The following GATAD2B variants were observed in gnomAD, a reference collection of about 807,000 sequenced individuals.
GATAD2B encodes GATA zinc finger domain containing 2B.
In GATAD2B, 8 loss-of-function variants were observed where a neutral mutation model predicts 64.3. That is an observed-to-expected ratio of 0.12 (90% CI 0.07 to 0.22). GATAD2B has a LOEUF of 0.22. GATAD2B is among the 10% of genes least tolerant of loss of function. The pLI is 1.00. For synonymous variants in GATAD2B, 281 were observed against 271.3 expected, an observed-to-expected ratio of 1.04 and a Z score of -0.35; for missense variants, 453 against 752.0, an observed-to-expected ratio of 0.60 and a Z score of 4.65.
intron 1 of GATAD2B, among the ~76,000 whole-genome samples, chr1:153,907,480 T>C (rs1192833560): frequency 6.6e-6 from 1 of 152,176 alleles, no homozygotes; most frequent in African/African-American, 2.4e-5. Context: ...GAATGGTGAC[T>C]GCCAGGAACT....
At chr1:153,853,710 TTTC>T (rs1443344175) in intron 1 of GATAD2B, among the ~76,000 whole-genome samples, 1 of 152,216 alleles carries the variant, frequency 6.6e-6, no homozygotes, top group Non-Finnish European at 1.5e-5. Flanking sequence ...TTTTCCCTGT[TTTC>T]TTCTTATGAG....
rs1167059491 is a variant in GATAD2B at position 153,810,293 on chromosome 1, A to C, written c.1666T>G (p.Leu556Val). 1 of 1,613,392 alleles carries C rather than the reference A, an allele frequency of 6.2e-7. No homozygotes were observed. The highest frequency in any genetic ancestry group is 1.1e-5 in the South Asian group (1 of 90,888). The change falls in exon 11 of 11, where the codon TTG becomes GTG. Residue 556 changes from leucine (L) to valine (V), a missense_variant. Physicochemically the swap from Leu to Val is conservative, Grantham distance 32 (BLOSUM62 1). Coordinates refer to ENST00000368655, the MANE Select transcript of GATAD2B (RefSeq NM_020699.4). ...LGMPGVNIAYLNTGIGGHKGP... is the reference protein window; with the variant it reads ...LGMPGVNIAYVNTGIGGHKGP... ...TTGTGTCCTCCGATGCCAGTATTCA[A>C]GTATGCAATGTTGACACCTGGACCC... is the stretch of plus-strand genomic sequence containing the variant.
At chr1:153,850,692 G>A (rs969035389) in intron 1 of GATAD2B, among the ~76,000 whole-genome samples, 2 of 152,110 alleles carry the variant, frequency 1.3e-5, no homozygotes, top group African/African-American at 2.4e-5. Context: ...GGCCTACGCA[G>A]GCGGATTGCT....
At chr1:153,889,413 CAAAAAAAAAAAAAA>C (rs71093299) in intron 1 of GATAD2B, among the ~76,000 whole-genome samples, 2 of 67,908 alleles carry the variant, frequency 2.9e-5, no homozygotes, top group Non-Finnish European at 5.3e-5. Flanking sequence ...ACCCCGTCTC[CAAAAAAAAAAAAAA>C]AAAAAAAAAC....
intron 1 of GATAD2B, among the ~76,000 whole-genome samples, chr1:153,905,434 T>A (rs1369392545): frequency 6.7e-6 from 1 of 149,356 alleles, no homozygotes; most frequent in Non-Finnish European, 1.5e-5. Context: ...AAACTATCTA[T>A]AACTGAGCAG....
chr1:153,838,409 CTTT>C (rs923197568), intron 1 of GATAD2B, among the ~76,000 whole-genome samples: 1 of 151,292 alleles, frequency 6.6e-6, no homozygotes, highest in African/African-American at 2.4e-5. Context: ...TTTTCTCTGC[CTTT>C]TTTTTTGTTT....
rs780514212 is a variant in GATAD2B at position 153,816,499 on chromosome 1, G to C, written c.990C>G (p.Asn330Lys). 2 of 1,613,580 alleles carry C rather than the reference G, an allele frequency of 1.2e-6. No homozygotes were observed. Among genetic ancestry groups the C allele is most frequent in the South Asian group, 2.2e-5 (2 of 91,076 alleles). The change falls in exon 7 of 11, where the codon AAC becomes AAG. Residue 330 changes from asparagine (N) to lysine (K), a missense_variant. This residue lies in a region of GATAD2B where 293 missense variants were observed against 417.2 expected (regional missense o/e 0.70). Coordinates refer to ENST00000368655, the MANE Select transcript of GATAD2B (RefSeq NM_020699.4). The surrounding 1 kb of genome is among the most constrained non-coding windows in gnomAD (Gnocchi z 4.9). ...GGCTAGGAAGTGGCGAGGACACTCT[G>C]TTCACCGTCCCTGGCTGGATATGAG... is the stretch of plus-strand genomic sequence containing the variant. ...LASHIQPGTV[N>K]RVSSPLPSPS...
intron 2 of GATAD2B, among the ~76,000 whole-genome samples, chr1:153,826,955 A>C (rs7515767): frequency 0.81 from 118,899 of 146,834 alleles, 48,721 homozygotes; most frequent in Admixed American, 0.88. Flanking sequence ...AAAAAAAAAA[A>C]AAAAAAACTG....
intron 1 of GATAD2B, chr1:153,852,753 A>G (rs1557804216): frequency 5.5e-6 from 5 of 915,970 alleles, no homozygotes; most frequent in Non-Finnish European, 7.3e-6. Flanking sequence ...GAAGCTTGGT[A>G]GACAGGGATC....
chr1:153,907,029 G>T (rs1243580169), intron 1 of GATAD2B, among the ~76,000 whole-genome samples: 1 of 152,190 alleles, frequency 6.6e-6, no homozygotes, highest in African/African-American at 2.4e-5. Context: ...TGGAGGGACT[G>T]GAACCTTTGT....
At position 153,818,176 on chromosome 1, in the gene GATAD2B, G is replaced by C. The variant is rs1225299762; in HGVS notation, c.598-5C>G. The C allele has an allele frequency of 6.3e-7, 1 of 1,591,556 alleles. No homozygotes were observed. The highest frequency in any genetic ancestry group is 1.8e-5 in the Admixed American group (1 of 55,432). ...TGCATTCTGTACAACTGGAGTCTGG[G>C]AGAGGGAAGAGAAAATAAGACTGTG... On this transcript the variant is annotated splice_region_variant and splice_polypyrimidine_tract_variant and intron_variant, in intron 4 of 10. Coordinates refer to ENST00000368655, the MANE Select transcript of GATAD2B (RefSeq NM_020699.4).
chr1:153,856,482 C>A (rs1676084838), intron 1 of GATAD2B, among the ~76,000 whole-genome samples: 1 of 152,188 alleles, frequency 6.6e-6, no homozygotes, highest in South Asian at 2.1e-4. Context: ...GGTAGTTACA[C>A]AGCTGTTGCT....
intron 1 of GATAD2B, among the ~76,000 whole-genome samples, chr1:153,879,762 C>CAAAAAAAAAA (rs71093298): frequency 1.2e-5 from 1 of 80,962 alleles, no homozygotes; most frequent in Non-Finnish European, 2.4e-5. Context: ...ACACTGTCTA[C>CAAAAAAAAAA]AAAAAAAAAA....
chr1:153,845,261 T>G (rs1057266440), intron 1 of GATAD2B, among the ~76,000 whole-genome samples: 1 of 152,004 alleles, frequency 6.6e-6, no homozygotes, highest in African/African-American at 2.4e-5. Flanking sequence ...TCAATTGATT[T>G]TTCAACAAGG....
At chr1:153,881,987 TAAAC>T (rs2085157384) in intron 1 of GATAD2B, among the ~76,000 whole-genome samples, 1 of 152,014 alleles carries the variant, frequency 6.6e-6, no homozygotes, top group South Asian at 2.1e-4. Flanking sequence ...ACTGTTATAT[TAAAC>T]AAAAGAAACA....
intron 1 of GATAD2B, among the ~76,000 whole-genome samples, chr1:153,870,047 C>G (rs1200193359): frequency 2.0e-5 from 3 of 152,098 alleles, no homozygotes; most frequent in Admixed American, 1.3e-4. Context: ...CAGATTCCAG[C>G]AGCAATTCTC....
intron 1 of GATAD2B, among the ~76,000 whole-genome samples, chr1:153,838,100 G>A (rs1675338616): frequency 6.6e-6 from 1 of 152,132 alleles, no homozygotes; most frequent in Non-Finnish European, 1.5e-5. Context: ...CAACTGCAAA[G>A]CTTTAGAAAG....
chr1:153,827,167 G>A (rs969956104), intron 2 of GATAD2B, among the ~76,000 whole-genome samples: 7 of 150,444 alleles, frequency 4.7e-5, no homozygotes, highest in Non-Finnish European at 1.0e-4. Flanking sequence ...TTGGGGTTGA[G>A]GGGGGAAGAT....
At chr1:153,838,257 T>C (rs1482549033) in intron 1 of GATAD2B, among the ~76,000 whole-genome samples, 2 of 152,158 alleles carry the variant, frequency 1.3e-5, no homozygotes, top group Middle Eastern at 3.2e-3. Context: ...CCACAAATAT[T>C]AATCATACAC....
Sources: allele counts gnomAD v4.1 joint callset (sites outside exome capture counted in the v4.1 genomes callset), GRCh38; gene constraint gnomAD v4.1.1; regional missense constraint gnomAD v4.1.1; non-coding constraint Gnocchi (gnomAD v3.1); transcripts MANE v1.5; gene names NCBI Gene and HGNC (gene_info 2026-07-23, HGNC 2026-07-21).